CHML: variants seen among roughly 807,000 people sequenced by gnomAD.
The protein encoded by CHML is rab proteins geranylgeranyltransferase component A 2.
CHML carries 20 observed loss-of-function variants against 30.4 expected under a neutral mutation model. The ratio of observed to expected loss-of-function variants is 0.66; its 90% CI spans 0.46 to 0.95. The LOEUF (loss-of-function observed/expected upper bound fraction) is 0.95. CHML is among the 40% of genes least tolerant of loss of function. The pLI, the probability that CHML is intolerant of heterozygous loss-of-function variation, is 0.00. For synonymous variants in CHML, 281 were observed against 275.0 expected (o/e 1.02, Z -0.22); for missense variants, 795 against 768.5 (o/e 1.03, Z -0.41).
At position 241,634,435 on chromosome 1, in the gene CHML, T is replaced by C. The variant is rs191276616; in HGVS notation, c.1332A>G (p.Glu444=). Reference sequence around the variant, plus strand: ...GCTTATACTGCACATTTGAGCATGTTTCCTCAGAAAGGTAACTGTCTTCCA... The same window carrying C: ...GCTTATACTGCACATTTGAGCATGTCTCCTCAGAAAGGTAACTGTCTTCCA... The part of the protein sequence containing the change: ...FIVEDSYLSE[E]TCSNVQYKQI... The change falls in exon 2 of 2, where the codon GAA becomes GAG. Residue 444 remains glutamate (E), a synonymous_variant. Transcript: ENST00000366553. 2.1e-4 allele frequency: 331 copies of C among 1,613,806 alleles called. 3 individuals carry two copies. In the East Asian group the frequency reaches 7.2e-3, roughly 35 times the overall value.
In CHML at chr1:241,630,429, G is replaced by A. The variant is rs1276600373; in HGVS notation, c.*3367C>T. On this transcript the variant is annotated 3_prime_UTR_variant, in exon 2 of 2. Transcript: ENST00000366553. ...AACCAAACACACTTTTTAAATTGCA[G>A]TTTGTCACTGCTAAGATGTAGAAAT... The A allele has an allele frequency of 6.6e-6, 1 of 152,044 alleles. No individual in the cohort carries two copies. The highest frequency in any genetic ancestry group is 1.5e-5 in the Non-Finnish European group (1 of 67,936). 9.4% of individuals were successfully genotyped at this position (152,044 alleles called of 1,614,324 possible). A position where few individuals can be genotyped will look rare whatever the true frequency, so the allele number is the denominator to read the frequency against.
intron 1 of CHML, 57 bp downstream of exon 1, chr1:241,639,825 C>T: frequency 2.3e-6 from 3 of 1,333,260 alleles, no homozygotes; most frequent in Admixed American, 3.5e-5. Flanking sequence ...GAGCGGGCAG[C>T]GGGGTGGGGA....
chr1:241,638,513 T>C (rs1664989807), intron 1 of CHML, among the ~76,000 whole-genome samples: 1 of 152,226 alleles, frequency 6.6e-6, no homozygotes, highest in African/African-American at 2.4e-5. Context: ...GATGATACTT[T>C]AGGCTTGGGC....
Position 241,633,868 on chromosome 1 carries a change from T to A in CHML, c.1899A>T (p.Val633=). 6.2e-7 allele frequency: 1 copy of A among 1,613,890 alleles called. No homozygotes were observed. Among genetic ancestry groups the A allele is most frequent in the East Asian group, 2.2e-5 (1 of 44,878 alleles). ...CAGAGGATTCTAGTTTGGCCATTAC[T>A]ACATTATTGGTTCCAGGAGCCTCTG... ...KQPEAPGTNN[V]VMAKLESSEE... The change falls in exon 2 of 2, where the codon GTA becomes GTT. Residue 633 remains valine, a synonymous_variant. Transcript: ENST00000366553.
In CHML at chr1:241,633,841, C is replaced by T; in HGVS notation, c.1926G>A (p.Glu642=). Residue 642 remains glutamate (E), a synonymous_variant, in exon 2 of 2, where the codon GAG becomes GAA. Coordinates refer to ENST00000366553, the MANE Select transcript of CHML (RefSeq NM_001381853.1). ...CTGGGCTTTCTAGGTTTTTGCTTTC[C>T]TCAGAGGATTCTAGTTTGGCCATTA... ...NVVMAKLESS[E]ESKNLESPEK... 6.2e-7 allele frequency: 1 copy of T among 1,613,786 alleles called. No individual in the cohort carries two copies. Among genetic ancestry groups the T allele is most frequent in the Non-Finnish European group, 8.5e-7 (1 of 1,179,754 alleles).
chr1:241,636,567 T>C (rs1664905954), intron 1 of CHML, among the ~76,000 whole-genome samples: 1 of 152,206 alleles, frequency 6.6e-6, no homozygotes, highest in Non-Finnish European at 1.5e-5. Flanking sequence ...TAGGATCTCA[T>C]GGTAGCAACA....
chr1:241,636,680 G>A (rs564344630), intron 1 of CHML, among the ~76,000 whole-genome samples: 6 of 152,234 alleles, frequency 3.9e-5, no homozygotes, highest in African/African-American at 1.4e-4. Context: ...TAGCCCTGAG[G>A]AGGAAAATGT....
In CHML at chr1:241,635,713, C is replaced by G. The variant is rs1046654276; in HGVS notation, c.54G>C (p.Leu18Phe). The change falls in exon 2 of 2, where the codon TTG becomes TTC. Residue 18 changes from leucine to phenylalanine, a missense_variant. Transcript: ENST00000366553. ...EFDVVIIGTGLPESILAAACS... is the reference protein window; with the variant it reads ...EFDVVIIGTGFPESILAAACS... ...ATGCAGCTGCAAGGATGGATTCGGGCAAACCTGTCCCTATTATAACCACAT... is the reference window on the plus strand; with the variant it reads ...ATGCAGCTGCAAGGATGGATTCGGGGAAACCTGTCCCTATTATAACCACAT... 2.5e-6 allele frequency: 4 copies of G among 1,613,944 alleles called. No homozygotes were observed. The highest frequency in any genetic ancestry group is 3.4e-6 in the Non-Finnish European group (4 of 1,179,896).
rs944877194 is a variant in CHML at position 241,630,737 on chromosome 1, C to T, written c.*3059G>A. The stretch of plus-strand genomic sequence containing the variant: ...CTTGGTTTAAGTACTTAACAGACTC[C>T]GAGAAGTCTATTAAATCATTGCCAG... On this transcript the variant is annotated 3_prime_UTR_variant, in exon 2 of 2. Transcript: ENST00000366553. The T allele has an allele frequency of 5.3e-5, 8 of 151,846 alleles. No homozygotes were observed. Among genetic ancestry groups the T allele is most frequent in the East Asian group, 1.9e-4 (1 of 5,190 alleles). 9.4% of individuals were successfully genotyped at this position (151,846 alleles called of 1,614,324 possible). A position where few individuals can be genotyped will look rare whatever the true frequency, so the allele number is the denominator to read the frequency against.
In CHML at chr1:241,633,807, G is replaced by A. The variant is rs755604697; in HGVS notation, c.1960C>T (p.Leu654Phe). Reference protein sequence around the residue: ...SKNLESPEKHLQN With the variant: ...SKNLESPEKHFQN ...GAGATTGCTCTTTTCTAATTTTGAA[G>A]GTGCTTCTCTGGGCTTTCTAGGTTT... Residue 654 changes from leucine to phenylalanine, a missense_variant, in exon 2 of 2, where the codon CTT (leucine) becomes TTT (phenylalanine). Transcript: ENST00000366553. The A allele has an allele frequency of 6.8e-6, 11 of 1,613,296 alleles. No individual in the cohort carries two copies. The Admixed American group carries it at 1.5e-4, about 22-fold the overall frequency.
At chr1:241,639,763 G>A (rs1366449757) in intron 1 of CHML, 119 bp downstream of exon 1, 9 of 1,065,720 alleles carry the variant, frequency 8.4e-6, no homozygotes, top group Non-Finnish European at 1.0e-5. Flanking sequence ...AGGGCGGGGG[G>A]CGCGGGGCCG....
In CHML at chr1:241,635,140, G is replaced by A. The variant is rs918208141; in HGVS notation, c.627C>T (p.Ala209=). 10 of 1,612,478 alleles carry A rather than the reference G, an allele frequency of 6.2e-6. No individual in the cohort carries two copies. The highest frequency in any genetic ancestry group is 8.5e-6 in the Non-Finnish European group (10 of 1,179,886). Residue 209 remains alanine (A), a synonymous_variant, in exon 2 of 2, where the codon GCC becomes GCT. Transcript: ENST00000366553. ...TAATCCTATTTCTAATTGGTTCATC[G>A]GCCTTATCTTCTACTGTAGATTTGC... ...DESKSTVEDK[A]DEPIRNRITY...
chr1:241,640,266 G>T lies in CHML; in HGVS notation c.-692C>A. On this transcript the variant is annotated 5_prime_UTR_variant, in exon 1 of 2. Transcript: ENST00000366553. ...TTCCCCGAGTACATGGCCCGGCGCC[G>T]GCGCGCCTGGCGGGCGGAGGCGCTC... The T allele has an allele frequency of 7.6e-6, 9 of 1,187,106 alleles. No individual in the cohort carries two copies. The South Asian group carries it at 3.8e-4, about 50-fold the overall frequency. 73.5% of individuals were successfully genotyped at this position (1,187,106 alleles called of 1,614,324 possible).
chr1:241,640,247 G>C lies in CHML; in HGVS notation c.-673C>G. 7.8e-7 allele frequency: 1 copy of C among 1,275,590 alleles called. No homozygotes were observed. The highest frequency in any genetic ancestry group is 9.8e-7 in the Non-Finnish European group (1 of 1,016,538). The allele number at this position is 1,275,590 out of a possible 1,614,324, so 79.0% of individuals were successfully genotyped here. ...GCCGTGGCCGCCGCTGCGGTTCCCC[G>C]AGTACATGGCCCGGCGCCGGCGCGC... On this transcript the variant is annotated 5_prime_UTR_variant, in exon 1 of 2. Coordinates refer to ENST00000366553, the MANE Select transcript of CHML (RefSeq NM_001381853.1).
Position 241,630,425 on chromosome 1 carries a change from T to C in CHML, c.*3371A>G, listed in dbSNP as rs1233378458. On this transcript the variant is annotated 3_prime_UTR_variant, in exon 2 of 2. Coordinates refer to ENST00000366553, the MANE Select transcript of CHML (RefSeq NM_001381853.1). ...TAATAACCAAACACACTTTTTAAAT[T>C]GCAGTTTGTCACTGCTAAGATGTAG... 1 of 152,130 alleles carries C rather than the reference T, an allele frequency of 6.6e-6. No homozygotes were observed. The highest frequency in any genetic ancestry group is 2.4e-5 in the African/African-American group (1 of 41,468). 9.4% of individuals were successfully genotyped at this position (152,130 alleles called of 1,614,324 possible).
At position 241,633,992 on chromosome 1, in the gene CHML, T is replaced by G. The variant is rs771688883; in HGVS notation, c.1775A>C (p.Gln592Pro). 1 of 1,613,952 alleles carries G rather than the reference T, an allele frequency of 6.2e-7. No individual in the cohort carries two copies. The highest frequency in any genetic ancestry group is 1.7e-5 in the Admixed American group (1 of 59,998). ...GATCTCCTGGAAAAGTGTTTCAGCTTGCTTGACAGCATGCTCATTTCCCAG... is the reference window on the plus strand; with the variant it reads ...GATCTCCTGGAAAAGTGTTTCAGCTGGCTTGACAGCATGCTCATTTCCCAG... ...CGLGNEHAVK[Q>P]AETLFQEIFP... Residue 592 changes from glutamine (Q) to proline (P), a missense_variant, in exon 2 of 2, where the codon CAA becomes CCA. By Grantham distance (76) the Gln-to-Pro change is moderately conservative. Coordinates refer to ENST00000366553, the MANE Select transcript of CHML (RefSeq NM_001381853.1).
intron 1 of CHML, among the ~76,000 whole-genome samples, chr1:241,636,325 A>G (rs1158178897): frequency 6.6e-6 from 1 of 152,270 alleles, no homozygotes; most frequent in Non-Finnish European, 1.5e-5. Context: ...AATAAAGAAG[A>G]AATAACATAA....
rs1664627594 is a variant in CHML, at chr1:241,631,397, T to C, written c.*2399A>G. The C allele has an allele frequency of 6.6e-6, 1 of 152,116 alleles. No individual in the cohort carries two copies. The highest frequency in any genetic ancestry group is 2.4e-5 in the African/African-American group (1 of 41,444). The allele number at this position is 152,116 out of a possible 1,614,324, so 9.4% of individuals were successfully genotyped here. A position where few individuals can be genotyped will look rare whatever the true frequency, so the allele number is the denominator to read the frequency against. ...AATACCTTCACCTTCATTTTATTTATCATCTTATGTATTTCTCATTTTAAT... is the reference window on the plus strand; with the variant it reads ...AATACCTTCACCTTCATTTTATTTACCATCTTATGTATTTCTCATTTTAAT... On this transcript the variant is annotated 3_prime_UTR_variant, in exon 2 of 2. Transcript: ENST00000366553.
At position 241,634,298 on chromosome 1, in the gene CHML, C is replaced by T. The variant is rs139853468; in HGVS notation, c.1469G>A (p.Arg490Gln). Reference sequence around the variant, plus strand: ...GGTTGAAGAACATAATTCTGTGACCCGTACAGCACAAGCTCCTGGCTCTGC... The same window carrying T: ...GGTTGAAGAACATAATTCTGTGACCTGTACAGCACAAGCTCCTGGCTCTGC... The part of the protein sequence containing the change: ...PPAEPGACAV[R>Q]VTELCSSTMT... Residue 490 changes from arginine to glutamine, a missense_variant, in exon 2 of 2, where the codon CGG becomes CAG. Arg to Gln is a conservative substitution (Grantham distance 43). Coordinates refer to ENST00000366553, the MANE Select transcript of CHML (RefSeq NM_001381853.1). 148 of 1,613,746 alleles carry T rather than the reference C, an allele frequency of 9.2e-5. No individual in the cohort carries two copies. Among genetic ancestry groups the T allele is most frequent in the Middle Eastern group, 1.6e-4 (1 of 6,084 alleles).
Sources: allele counts gnomAD v4.1 joint callset (sites outside exome capture counted in the v4.1 genomes callset), GRCh38; gene constraint gnomAD v4.1.1; transcripts MANE v1.5; gene names NCBI Gene and HGNC (gene_info 2026-07-23, HGNC 2026-07-21).